ZFAT: variants seen among roughly 807,000 people sequenced by gnomAD.
The protein encoded by ZFAT is zinc finger and AT-hook domain containing.
A neutral mutation model predicts 117.7 loss-of-function variants in ZFAT; 64 were observed. The observed-to-expected ratio is 0.54, with a 90% confidence interval of 0.44 to 0.67. The LOEUF is 0.67. ZFAT is among the 30% of genes least tolerant of loss of function. The pLI, the probability that ZFAT is intolerant of heterozygous loss-of-function variation, is 0.00. For missense variants in ZFAT, 1,433 were observed against 1,584.5 expected (o/e 0.90, Z 1.62); for synonymous variants, 679 against 615.0 (o/e 1.10, Z -1.54).
intron 1 of ZFAT, among the ~76,000 whole-genome samples, chr8:134,702,469 G>A (rs1391974667): frequency 3.9e-5 from 6 of 151,970 alleles, no homozygotes; most frequent in Admixed American, 3.9e-4. Context: ...TGAATCTTGG[G>A]GACTGTTTCC....
chr8:134,671,154 A>G (rs1468385248), intron 1 of ZFAT, among the ~76,000 whole-genome samples: 1 of 152,240 alleles, frequency 6.6e-6, no homozygotes, highest in African/African-American at 2.4e-5. Context: ...ATGGATTCAC[A>G]GCCAGATTCT....
chr8:134,718,515 G>C, the ZFAT span, among the ~76,000 whole-genome samples: 27 of 152,096 alleles, frequency 1.8e-4, no homozygotes, highest in African/African-American at 4.3e-4. Context: ...AAATAGTTTA[G>C]GAAAAGGGTG....
At chr8:134,780,291 A>C in the ZFAT span, among the ~76,000 whole-genome samples, 1 of 152,136 alleles carries the variant, frequency 6.6e-6, no homozygotes, top group Non-Finnish European at 1.5e-5. Context: ...TGAATGTTCT[A>C]ATCTTCCAAG....
chr8:134,818,307 G>A, the ZFAT span, among the ~76,000 whole-genome samples: 1 of 152,080 alleles, frequency 6.6e-6, no homozygotes, highest in Admixed American at 6.6e-5. Context: ...TTTTTTTAAC[G>A]GGTAAAAGAT....
intron 11 of ZFAT, among the ~76,000 whole-genome samples, chr8:134,533,694 G>C (rs1821604384): frequency 6.6e-6 from 1 of 152,194 alleles, no homozygotes; most frequent in African/African-American, 2.4e-5. Context: ...ACCTGGTCAA[G>C]ACAAGACACT....
intron 2 of ZFAT, among the ~76,000 whole-genome samples, chr8:134,647,947 T>C (rs1830995131): frequency 6.6e-6 from 1 of 152,110 alleles, no homozygotes; most frequent in Admixed American, 6.5e-5. Context: ...ATTCAATGCA[T>C]CCTGGGAATC....
chr8:134,773,984 A>ATTTTTTTTTTTTTTTTTTTTTT, the ZFAT span, among the ~76,000 whole-genome samples: 7 of 103,294 alleles, frequency 6.8e-5, 1 homozygote, highest in African/African-American at 2.7e-4. Context: ...TTGAGGATTA[A>ATTTTTTTTTTTTTTTTTTTTTT]TTTTTTTTTT....
chr8:134,780,506 G>T, the ZFAT span, among the ~76,000 whole-genome samples: 1 of 152,104 alleles, frequency 6.6e-6, no homozygotes, highest in African/African-American at 2.4e-5. Context: ...TACAATAATT[G>T]TGTCTCTTTA....
chr8:134,667,669 G>C (rs1406943736), intron 1 of ZFAT, among the ~76,000 whole-genome samples: 1 of 151,768 alleles, frequency 6.6e-6, no homozygotes, highest in Non-Finnish European at 1.5e-5. Flanking sequence ...CCAGTCTACA[G>C]CTCCCAGCAT....
chr8:134,635,003 C>T (rs73369121), intron 3 of ZFAT, among the ~76,000 whole-genome samples: 2,178 of 152,322 alleles, frequency 0.014, 62 homozygotes, highest in African/African-American at 0.049. Flanking sequence ...GTGCAGTTTA[C>T]AATAGGGCTC....
chr8:134,656,603 A>C (rs1183866471), intron 2 of ZFAT, among the ~76,000 whole-genome samples: 1 of 152,172 alleles, frequency 6.6e-6, no homozygotes, highest in Non-Finnish European at 1.5e-5. Context: ...TTTGTCTGGA[A>C]TCTCTCCTTG....
intron 3 of ZFAT, among the ~76,000 whole-genome samples, chr8:134,611,855 T>C (rs1371216271): frequency 6.6e-6 from 1 of 152,086 alleles, no homozygotes; most frequent in Non-Finnish European, 1.5e-5. Flanking sequence ...GACAGCAAAG[T>C]CAACGGGTTC....
At chr8:134,596,694 G>T (rs1309880368) in intron 7 of ZFAT, among the ~76,000 whole-genome samples, 1 of 152,052 alleles carries the variant, frequency 6.6e-6, no homozygotes, top group East Asian at 1.9e-4. Flanking sequence ...TCCATGCAAT[G>T]GAATATTATT....
chr8:134,546,896 C>T (rs1822742042), intron 11 of ZFAT, among the ~76,000 whole-genome samples: 1 of 152,202 alleles, frequency 6.6e-6, no homozygotes, highest in Non-Finnish European at 1.5e-5. Context: ...AGTGGAAACG[C>T]CTCAGTTAAA....
chr8:134,651,070 C>T (rs2467028), intron 2 of ZFAT, among the ~76,000 whole-genome samples: 110,100 of 152,176 alleles, frequency 0.72, 40,324 homozygotes, highest in East Asian at 0.83. Context: ...CCTTTATATG[C>T]TGTTGACTGA....
the ZFAT span, among the ~76,000 whole-genome samples, chr8:134,809,127 C>G: frequency 6.6e-6 from 1 of 152,146 alleles, no homozygotes; most frequent in Non-Finnish European, 1.5e-5. Flanking sequence ...AATTCTGAAC[C>G]AAGCATCATC....
intron 12 of ZFAT, among the ~76,000 whole-genome samples, chr8:134,523,783 A>T (rs911466498): frequency 6.6e-6 from 1 of 151,928 alleles, no homozygotes; most frequent in Non-Finnish European, 1.5e-5. Context: ...CTTCCCCAAG[A>T]TCTCCATTTG....
chr8:134,483,609 T>C (rs1269810457), intron 15 of ZFAT, among the ~76,000 whole-genome samples: 2 of 152,242 alleles, frequency 1.3e-5, no homozygotes, highest in African/African-American at 2.4e-5. Flanking sequence ...TCCCCTGAGA[T>C]GAGTACTCCA....
At chr8:134,803,885 G>A in the ZFAT span, among the ~76,000 whole-genome samples, 2 of 152,120 alleles carry the variant, frequency 1.3e-5, no homozygotes, top group Non-Finnish European at 2.9e-5. Flanking sequence ...AGATTGGCAA[G>A]ACCTTTATCT....
Sources: gnomAD v4.1 joint callset for allele counts (sites outside exome capture counted in the v4.1 genomes callset) on GRCh38, gnomAD v4.1.1 for gene constraint, MANE v1.5 for transcripts, NCBI Gene and HGNC (gene_info 2026-07-23, HGNC 2026-07-21) for gene names.